ARFGEF2: variants seen among roughly 807,000 people sequenced by gnomAD.
ARFGEF2 encodes ARF guanine nucleotide exchange factor 2, also known as brefeldin A-inhibited guanine nucleotide-exchange protein 2.
ARFGEF2 carries 74 observed loss-of-function variants against 219.9 expected under a neutral mutation model. The observed-to-expected ratio is 0.34, with a 90% confidence interval of 0.28 to 0.41. The LOEUF (loss-of-function observed/expected upper bound fraction) is 0.41, where lower values mean the gene tolerates loss of function less well. Ranked by LOEUF, ARFGEF2 falls within the 10% of genes least tolerant of loss-of-function variation. ARFGEF2 has a pLI of 1.00. For synonymous variants in ARFGEF2, 733 were observed against 799.2 expected (o/e 0.92, Z 1.40); for missense variants, 1,743 against 2,218.3 (o/e 0.79, Z 4.30).
At chr20:48,961,912 C>T (rs1251263951) in intron 6 of ARFGEF2, among the ~76,000 whole-genome samples, 1 of 150,972 alleles carries the variant, frequency 6.6e-6, no homozygotes, top group East Asian at 1.9e-4. Context: ...GGCGCAGTGG[C>T]TCATGCCTGT....
In ARFGEF2 at chr20:48,953,478, G is replaced by C. The variant is rs1044465668; in HGVS notation, c.604-78G>C. ...GGCGTTAACCACCGCGCCCAGCCCA[G>C]GAAATTTTTTAAGTAATAGGCTGGC... On this transcript the variant is annotated intron_variant, in intron 5 of 38. Transcript: ENST00000371917. 6.4e-6 allele frequency: 9 copies of C among 1,401,914 alleles called. No individual in the cohort carries two copies. The African/African-American group carries it at 1.3e-4, about 20-fold the overall frequency. The allele number at this position is 1,401,914 out of a possible 1,614,324, so 86.8% of individuals were successfully genotyped here.
chr20:48,974,816 G>T lies in ARFGEF2; in HGVS notation c.1716G>T (p.Lys572Asn), dbSNP rs1342900252. 6.2e-7 allele frequency: 1 copy of T among 1,614,042 alleles called. No individual in the cohort carries two copies. Among genetic ancestry groups the T allele is most frequent in the South Asian group, 1.1e-5 (1 of 91,040 alleles). Reference protein sequence around the residue: ...KGLECLVSILKCMVEWSKDLY... With the variant: ...KGLECLVSILNCMVEWSKDLY... ...TGGAGTGCCTCGTGTCCATTCTCAA[G>T]TGCATGGTGGAGTGGAGCAAAGACC... The change falls in exon 13 of 39, where the codon AAG becomes AAT. Residue 572 changes from lysine to asparagine, a missense_variant. Around this residue, in one of 5 missense-constraint regions of ARFGEF2, gnomAD observed 666 missense variants for 955.4 expected, o/e 0.70. Coordinates refer to ENST00000371917, the MANE Select transcript of ARFGEF2 (RefSeq NM_006420.3).
rs2091079722 is a variant in ARFGEF2 at position 48,952,832 on chromosome 20, C to T, written c.551C>T (p.Ala184Val). The change falls in exon 5 of 39, where the codon GCT becomes GTT. Residue 184 changes from alanine (A) to valine (V), a missense_variant. Physicochemically the swap from Ala to Val is moderately conservative, Grantham distance 64 (BLOSUM62 0). Around this residue, in one of 5 missense-constraint regions of ARFGEF2, gnomAD observed 394 missense variants for 426.6 expected, o/e 0.92. Coordinates refer to ENST00000371917, the MANE Select transcript of ARFGEF2 (RefSeq NM_006420.3). The stretch of plus-strand genomic sequence containing the variant: ...CTCATCAATCAAACCACTGCCAAGG[C>T]TACCCTTACTCAGATGCTGAACGTC... ...KNLINQTTAK[A>V]TLTQMLNVIF... 1 of 1,614,128 alleles carries T rather than the reference C, an allele frequency of 6.2e-7. No homozygotes were observed. Among genetic ancestry groups the T allele is most frequent in the African/African-American group, 1.3e-5 (1 of 74,940 alleles).
intron 21 of ARFGEF2, 136 bp downstream of exon 21, chr20:48,991,334 T>C: frequency 5.4e-6 from 7 of 1,292,650 alleles, no homozygotes; most frequent in African/African-American, 1.5e-5. Context: ...GAAGTCACCC[T>C]CTCTGGGGCT....
intron 1 of ARFGEF2, among the ~76,000 whole-genome samples, chr20:48,923,446 A>C (rs1471458221): frequency 2.0e-5 from 3 of 152,236 alleles, no homozygotes; most frequent in Admixed American, 2.0e-4. Flanking sequence ...AGACTCCCTC[A>C]GGGGCCAACT....
chr20:48,993,944 T>C (rs146423983), intron 21 of ARFGEF2, among the ~76,000 whole-genome samples: 83 of 152,154 alleles, frequency 5.5e-4, no homozygotes, highest in African/African-American at 2.0e-3. Flanking sequence ...AATAGATATA[T>C]GGTATAATGC....
intron 26 of ARFGEF2, among the ~76,000 whole-genome samples, chr20:49,010,029 T>C (rs1182885789): frequency 6.6e-6 from 1 of 152,188 alleles, no homozygotes; most frequent in Non-Finnish European, 1.5e-5. Context: ...GTTTATTGTT[T>C]CGTGATTGCA....
At chr20:48,930,365 A>G (rs984688905) in intron 1 of ARFGEF2, among the ~76,000 whole-genome samples, 22 of 152,226 alleles carry the variant, frequency 1.4e-4, no homozygotes, top group African/African-American at 4.6e-4. Context: ...GGGACATTCA[A>G]ACCATCGCAG....
chr20:48,965,822 A>C, intron 7 of ARFGEF2, 50 bp from the exon 8 acceptor site: 2 of 1,611,372 alleles, frequency 1.2e-6, no homozygotes, highest in Non-Finnish European at 1.7e-6. Context: ...GCAGCCCTTT[A>C]GGGTAAGTAC....
At chr20:48,949,302 C>A (rs1309606456) in intron 3 of ARFGEF2, among the ~76,000 whole-genome samples, 2 of 152,218 alleles carry the variant, frequency 1.3e-5, no homozygotes, top group Non-Finnish European at 2.9e-5. Context: ...TCAGCATTCA[C>A]ATTTGAGGAG....
rs368380205 is a variant in ARFGEF2, at chr20:49,017,385, T to C, written c.4452T>C (p.His1484=). Residue 1484 remains histidine (H), a splice_region_variant and synonymous_variant, in exon 32 of 39, where the codon CAT becomes CAC. Coordinates refer to ENST00000371917, the MANE Select transcript of ARFGEF2 (RefSeq NM_006420.3). ...ATATTTTCAAAACAACCATCCCACA[T>C]GTGTAAGTGTTCATGCAGTTGTTCC... ...MLDIFKTTIP[H]VLLTWRPVGM... is the part of the protein sequence containing the mutation. The C allele has an allele frequency of 7.4e-6, 12 of 1,613,970 alleles. No homozygotes were observed. The highest frequency in any genetic ancestry group is 2.2e-5 in the South Asian group (2 of 91,094).
chr20:48,958,863 G>A (rs747381779), intron 6 of ARFGEF2, among the ~76,000 whole-genome samples: 1 of 152,150 alleles, frequency 6.6e-6, no homozygotes, highest in Non-Finnish European at 1.5e-5. Context: ...ATGGCACCTC[G>A]CATTTGGCCC....
chr20:49,019,640 T>G (rs2091553267), intron 34 of ARFGEF2, among the ~76,000 whole-genome samples: 1 of 152,258 alleles, frequency 6.6e-6, no homozygotes, highest in Non-Finnish European at 1.5e-5. Context: ...TTTAAATATT[T>G]CCACATTGCT....
chr20:49,018,279 C>T (rs1167417780), intron 33 of ARFGEF2, among the ~76,000 whole-genome samples: 2 of 152,142 alleles, frequency 1.3e-5, no homozygotes, highest in Admixed American at 1.3e-4. Context: ...TGTCCCCAGG[C>T]TGGAGTGCAG....
At chr20:48,934,712 C>G (rs1873296856) in intron 1 of ARFGEF2, among the ~76,000 whole-genome samples, 1 of 152,178 alleles carries the variant, frequency 6.6e-6, no homozygotes, top group Admixed American at 6.5e-5. Flanking sequence ...GCATAGTAGT[C>G]CATGGTGTAT....
intron 14 of ARFGEF2, among the ~76,000 whole-genome samples, chr20:48,977,577 G>A (rs548456850): frequency 1.3e-5 from 2 of 152,332 alleles, no homozygotes; most frequent in South Asian, 2.1e-4. Flanking sequence ...GGTTGGACTA[G>A]TTTACATTCC....
At chr20:48,957,759 A>G (rs1054245626) in intron 6 of ARFGEF2, among the ~76,000 whole-genome samples, 1 of 152,102 alleles carries the variant, frequency 6.6e-6, no homozygotes, top group Non-Finnish European at 1.5e-5. Context: ...TGGGGCCTCT[A>G]CTGGGATTTT....
intron 1 of ARFGEF2, 142 bp downstream of exon 1, chr20:48,922,152 ACC>A: frequency 7.6e-7 from 1 of 1,319,826 alleles, no homozygotes. Flanking sequence ...TCCTCATTAT[ACC>A]CCCGGAGGAA....
intron 36 of ARFGEF2, among the ~76,000 whole-genome samples, chr20:49,026,891 A>G (rs113099413): frequency 0.011 from 1,611 of 151,978 alleles, 25 homozygotes; most frequent in African/African-American, 0.035. Flanking sequence ...TGGCCTTGTT[A>G]TCATTACTTT....
Sources: allele counts gnomAD v4.1 joint callset (sites outside exome capture counted in the v4.1 genomes callset), GRCh38; gene constraint gnomAD v4.1.1; regional missense constraint gnomAD v4.1.1; transcripts MANE v1.5; gene names NCBI Gene and HGNC (gene_info 2026-07-23, HGNC 2026-07-21).